The following CAMK1D variants were observed in gnomAD, a reference collection of about 807,000 sequenced individuals.
CAMK1D encodes calcium/calmodulin-dependent protein kinase type 1D.
A neutral mutation model predicts 47.7 loss-of-function variants in CAMK1D; 9 were observed. The ratio of observed to expected loss-of-function variants is 0.19; its 90% CI spans 0.11 to 0.33. The LOEUF (loss-of-function observed/expected upper bound fraction) is 0.33. Ranked by LOEUF, CAMK1D falls within the 10% of genes least tolerant of loss-of-function variation. The pLI is 1.00. For missense variants in CAMK1D, 291 were observed against 488.7 expected, an observed-to-expected ratio of 0.60 and a Z score of 3.81; for synonymous variants, 184 against 184.9, an observed-to-expected ratio of 0.99 and a Z score of 0.04.
chr10:12,556,984 A>T (rs1398061965), intron 2 of CAMK1D, among the ~76,000 whole-genome samples: 4 of 152,228 alleles, frequency 2.6e-5, no homozygotes, highest in African/African-American at 7.2e-5. Context: ...TGTAGGACTT[A>T]GAGATTCGGA....
chr10:12,683,826 A>T (rs189327446), intron 3 of CAMK1D, among the ~76,000 whole-genome samples: 7 of 151,704 alleles, frequency 4.6e-5, no homozygotes, highest in African/African-American at 1.7e-4. Context: ...ATTCAACATT[A>T]TACCTTTATT....
chr10:12,773,885 T>G (rs1837155301), intron 5 of CAMK1D, among the ~76,000 whole-genome samples: 2 of 151,790 alleles, frequency 1.3e-5, no homozygotes, highest in Non-Finnish European at 2.9e-5. Context: ...GGCAATAGAG[T>G]GAGACTCATC....
intron 1 of CAMK1D, among the ~76,000 whole-genome samples, chr10:12,510,314 GC>G (rs933428629): frequency 2.6e-5 from 4 of 152,284 alleles, no homozygotes; most frequent in Non-Finnish European, 5.9e-5. Flanking sequence ...TACTTGGGAG[GC>G]CGTGGCAGGA....
At chr10:12,737,987 T>C (rs897645636) in intron 3 of CAMK1D, among the ~76,000 whole-genome samples, 2 of 152,162 alleles carry the variant, frequency 1.3e-5, no homozygotes. Flanking sequence ...ATACTCAGTG[T>C]AAAATCAAAA....
At chr10:12,574,801 C>T (rs1837441333) in intron 2 of CAMK1D, among the ~76,000 whole-genome samples, 1 of 152,150 alleles carries the variant, frequency 6.6e-6, no homozygotes, top group African/African-American at 2.4e-5. Context: ...CAGAAAGCTT[C>T]CAATCATGGC....
At chr10:12,764,389 A>AAAAAAAAG (rs1328980910) in intron 4 of CAMK1D, among the ~76,000 whole-genome samples, 2 of 151,450 alleles carry the variant, frequency 1.3e-5, no homozygotes, top group East Asian at 1.9e-4. Flanking sequence ...CTCAAAAAAA[A>AAAAAAAAG]AAAAAAAAAC....
intron 6 of CAMK1D, among the ~76,000 whole-genome samples, chr10:12,803,971 G>T (rs1286625617): frequency 6.6e-6 from 1 of 152,200 alleles, no homozygotes; most frequent in Non-Finnish European, 1.5e-5. Context: ...CTGGGCAGTT[G>T]CTGGTGGGAG....
intron 2 of CAMK1D, among the ~76,000 whole-genome samples, chr10:12,560,109 A>G (rs1419048785): frequency 4.6e-5 from 7 of 152,240 alleles, no homozygotes; most frequent in Non-Finnish European, 7.4e-5. Flanking sequence ...CCCCAGAGAA[A>G]GGCTTTGACG....
chr10:12,599,355 G>T (rs1017590994), intron 2 of CAMK1D, among the ~76,000 whole-genome samples: 3 of 152,144 alleles, frequency 2.0e-5, no homozygotes, highest in African/African-American at 7.2e-5. Context: ...GGTGGAATAA[G>T]GTGTCTCCTG....
intron 2 of CAMK1D, among the ~76,000 whole-genome samples, chr10:12,626,127 T>C (rs530130472): frequency 6.6e-6 from 1 of 152,332 alleles, no homozygotes; most frequent in Admixed American, 6.5e-5. Context: ...TTTATACTCA[T>C]AATTCATATG....
At chr10:12,661,231 T>C (rs910329014) in intron 2 of CAMK1D, among the ~76,000 whole-genome samples, 7 of 152,250 alleles carry the variant, frequency 4.6e-5, no homozygotes, top group African/African-American at 1.7e-4. Context: ...ATATTGTTAA[T>C]GATGGCATTA....
At chr10:12,647,680 T>A (rs1267056988) in intron 2 of CAMK1D, among the ~76,000 whole-genome samples, 1 of 152,164 alleles carries the variant, frequency 6.6e-6, no homozygotes, top group Non-Finnish European at 1.5e-5. Context: ...TTTAGGAGAT[T>A]CTGTCCTGGC....
chr10:12,821,131 A>G (rs2131105773), intron 8 of CAMK1D, among the ~76,000 whole-genome samples: 1 of 152,300 alleles, frequency 6.6e-6, no homozygotes, highest in East Asian at 1.9e-4. Flanking sequence ...CTGATGTTGC[A>G]GCTCGAGTCC....
chr10:12,423,620 G>T (rs1253675307), intron 1 of CAMK1D, among the ~76,000 whole-genome samples: 1 of 152,200 alleles, frequency 6.6e-6, no homozygotes, highest in Non-Finnish European at 1.5e-5. Flanking sequence ...GAACTCCCAG[G>T]TACAGGGAAC....
intron 3 of CAMK1D, among the ~76,000 whole-genome samples, chr10:12,713,082 T>A (rs951446649): frequency 1.3e-5 from 2 of 152,134 alleles, no homozygotes; most frequent in African/African-American, 4.8e-5. Flanking sequence ...CCTCCCTTTT[T>A]TTTTTGGGAT....
chr10:12,668,716 G>A (rs1458032892), intron 3 of CAMK1D, among the ~76,000 whole-genome samples: 2 of 152,066 alleles, frequency 1.3e-5, no homozygotes, highest in South Asian at 2.1e-4. Context: ...AGTCGATTTA[G>A]AATTTGCCTT....
At chr10:12,415,052 T>C (rs377741201) in intron 1 of CAMK1D, among the ~76,000 whole-genome samples, 1 of 152,152 alleles carries the variant, frequency 6.6e-6, no homozygotes, top group East Asian at 1.9e-4. Context: ...TTCCCATGTT[T>C]ATAGATTTTC....
intron 2 of CAMK1D, among the ~76,000 whole-genome samples, chr10:12,554,245 C>T (rs376750454): frequency 7.6e-6 from 1 of 132,074 alleles, no homozygotes; most frequent in African/African-American, 2.5e-5. Flanking sequence ...GCAACTTCCA[C>T]CTCCTGGCTT....
chr10:12,430,267 C>T (rs1840397723), intron 1 of CAMK1D, among the ~76,000 whole-genome samples: 1 of 152,106 alleles, frequency 6.6e-6, no homozygotes, highest in African/African-American at 2.4e-5. Context: ...CTCAGCAAAG[C>T]GCTGTGGTCA....
Sources: gnomAD v4.1 joint callset for allele counts (sites outside exome capture counted in the v4.1 genomes callset) on GRCh38, gnomAD v4.1.1 for gene constraint, MANE v1.5 for transcripts, NCBI Gene and HGNC (gene_info 2026-07-23, HGNC 2026-07-21) for gene names.